The following CALN1 variants were observed in gnomAD, a reference collection of about 807,000 sequenced individuals.
CALN1 encodes calcium-binding protein 8.
In CALN1, 17 loss-of-function variants were observed where a neutral mutation model predicts 30.6. That is an observed-to-expected ratio of 0.56 (90% CI 0.38 to 0.83). CALN1 has a LOEUF of 0.83. Ranked by LOEUF, CALN1 falls within the 40% of genes least tolerant of loss-of-function variation. The pLI, the probability that CALN1 is intolerant of heterozygous loss-of-function variation, is 0.00. For missense variants in CALN1, 291 were observed against 354.9 expected, an observed-to-expected ratio of 0.82 and a Z score of 1.45; for synonymous variants, 156 against 131.4, an observed-to-expected ratio of 1.19 and a Z score of -1.28.
At chr7:72,106,752 G>A (rs1807166239) in intron 3 of CALN1, among the ~76,000 whole-genome samples, 1 of 75,306 alleles carries the variant, frequency 1.3e-5, no homozygotes, top group African/African-American at 5.0e-5. Context: ...GAGGAAGGAA[G>A]GGAGGGAGGA....
At chr7:71,944,098 C>T (rs576576877) in intron 5 of CALN1, among the ~76,000 whole-genome samples, 5 of 152,204 alleles carry the variant, frequency 3.3e-5, no homozygotes, top group African/African-American at 9.6e-5. Flanking sequence ...AGTGAGCTTT[C>T]GCCATCTTCC....
chr7:72,084,500 A>T (rs1256993871), intron 4 of CALN1, among the ~76,000 whole-genome samples: 3 of 150,774 alleles, frequency 2.0e-5, no homozygotes, highest in Non-Finnish European at 4.4e-5. Flanking sequence ...CTGGGATTAC[A>T]GGCACCCACC....
chr7:72,325,927 G>A (rs552329469), intron 2 of CALN1, among the ~76,000 whole-genome samples: 1 of 152,136 alleles, frequency 6.6e-6, no homozygotes, highest in South Asian at 2.1e-4. Flanking sequence ...TAGAAGACAG[G>A]GTCTTGTTCT....
At chr7:72,380,672 T>G (rs1804836402) in intron 2 of CALN1, among the ~76,000 whole-genome samples, 1 of 151,260 alleles carries the variant, frequency 6.6e-6, no homozygotes, top group East Asian at 1.9e-4. Context: ...GGTTGGTGGA[T>G]GGATGGATGG....
At chr7:72,479,826 C>T in the CALN1 span, among the ~76,000 whole-genome samples, 247 of 152,320 alleles carry the variant, frequency 1.6e-3, no homozygotes, top group South Asian at 2.7e-3. Context: ...GCTGGGATAA[C>T]AGGCATGAGC....
At chr7:72,042,976 G>A (rs1257895696) in intron 4 of CALN1, among the ~76,000 whole-genome samples, 1 of 152,090 alleles carries the variant, frequency 6.6e-6, no homozygotes, top group African/African-American at 2.4e-5. Context: ...CTCAGTTCCT[G>A]AGTCATTCAG....
At chr7:72,119,820 A>T (rs860002) in intron 3 of CALN1, among the ~76,000 whole-genome samples, 115,192 of 151,932 alleles carry the variant, frequency 0.76, 43,909 homozygotes, top group East Asian at 0.97. Flanking sequence ...TATGATTCAA[A>T]TACTTCTCAC....
intron 5 of CALN1, among the ~76,000 whole-genome samples, chr7:71,903,045 A>T (rs972942621): frequency 6.6e-5 from 10 of 151,958 alleles, no homozygotes; most frequent in Middle Eastern, 6.8e-3. Flanking sequence ...TTTAAAAAAA[A>T]TTTTTACTTT....
At chr7:72,065,663 C>A (rs1486684052) in intron 4 of CALN1, among the ~76,000 whole-genome samples, 1 of 152,074 alleles carries the variant, frequency 6.6e-6, no homozygotes, top group Non-Finnish European at 1.5e-5. Context: ...GAACCCCACG[C>A]TTCATCTGTG....
the CALN1 span, among the ~76,000 whole-genome samples, chr7:72,499,877 CTT>C: frequency 1.1e-4 from 7 of 62,278 alleles, no homozygotes; most frequent in East Asian, 5.2e-4. Flanking sequence ...TTCTTTCTTT[CTT>C]TCTTTCTTTC....
At chr7:72,382,817 A>T (rs2129560908) in intron 2 of CALN1, among the ~76,000 whole-genome samples, 2 of 152,130 alleles carry the variant, frequency 1.3e-5, no homozygotes, top group Non-Finnish European at 2.9e-5. Context: ...TTTGAGATGG[A>T]GTCTCACCAT....
At chr7:72,463,951 AGAAGGAAGGAAG>A in the CALN1 span, among the ~76,000 whole-genome samples, 8 of 125,050 alleles carry the variant, frequency 6.4e-5, no homozygotes, top group Middle Eastern at 3.6e-3. Flanking sequence ...ACAAAGTGAG[AGAAGGAAGGAAG>A]GAAGGAAGGA....
Position 72,238,423 on chromosome 7 carries a change from ATTAT to A in CALN1, c.244+40259_244+40262del, listed in dbSNP as rs373858230. On this transcript the variant is annotated intron_variant, in intron 3 of 6. Coordinates refer to ENST00000395275, the MANE Select transcript of CALN1 (RefSeq NM_031468.4). ...ATGAATTATTTAATGAGTATAATTT[ATTAT>A]TTAATGATTTTTTTATTTAATGAAT... Among the ~76,000 whole-genome samples, 84 of 152,258 alleles carry A rather than the reference ATTAT, an allele frequency of 5.5e-4. 1 individual carries two copies. The South Asian group carries it at 0.017, about 30-fold the overall frequency.
At chr7:71,876,555 T>TTCCATAAATGAGG (rs1792255051) in intron 5 of CALN1, among the ~76,000 whole-genome samples, 1 of 152,172 alleles carries the variant, frequency 6.6e-6, no homozygotes, top group South Asian at 2.1e-4. Context: ...TTATAAAAAA[T>TTCCATAAATGAGG]TCCATAAATG....
rs895562120 is a variant in CALN1, at chr7:71,784,184, A to T, written c.*3591T>A. ...AGGGGCTGGGAGTAGGGATGGGGAG[A>T]TACCAGGGCTTACAGGTAGCTCCTG... On this transcript the variant is annotated 3_prime_UTR_variant, in exon 7 of 7. Coordinates refer to ENST00000395275, the MANE Select transcript of CALN1 (RefSeq NM_031468.4). 2 of 152,114 alleles carry T rather than the reference A, an allele frequency of 1.3e-5. No homozygotes were observed. Among genetic ancestry groups the T allele is most frequent in the African/African-American group, 4.8e-5 (2 of 41,424 alleles). The allele number at this position is 152,114 out of a possible 1,614,324, so 9.4% of individuals were successfully genotyped here.
At chr7:72,275,395 T>C (rs1285792955) in intron 3 of CALN1, among the ~76,000 whole-genome samples, 1 of 152,142 alleles carries the variant, frequency 6.6e-6, no homozygotes, top group African/African-American at 2.4e-5. Context: ...TCTGAATTGA[T>C]TCAAGCCAGT....
At chr7:72,320,429 G>T (rs923906493) in intron 2 of CALN1, among the ~76,000 whole-genome samples, 2 of 152,152 alleles carry the variant, frequency 1.3e-5, no homozygotes, top group Non-Finnish European at 2.9e-5. Flanking sequence ...GGGGAAGCAA[G>T]AATGAGGTAA....
intron 4 of CALN1, among the ~76,000 whole-genome samples, chr7:72,065,083 TTAA>T (rs1803924177): frequency 6.7e-6 from 1 of 148,226 alleles, no homozygotes; most frequent in African/African-American, 2.5e-5. Context: ...TATTTATATG[TTAA>T]TATTAATATA....
chr7:72,404,296 C>T (rs1411977024), intron 1 of CALN1, among the ~76,000 whole-genome samples: 1 of 152,182 alleles, frequency 6.6e-6, no homozygotes, highest in East Asian at 1.9e-4. Context: ...CAGATGCACA[C>T]TGTGTGGCAT....
Sources: gnomAD v4.1 joint callset for allele counts (sites outside exome capture counted in the v4.1 genomes callset) on GRCh38, gnomAD v4.1.1 for gene constraint, MANE v1.5 for transcripts, NCBI Gene and HGNC (gene_info 2026-07-23, HGNC 2026-07-21) for gene names.